The following LEKR1 variants were observed in gnomAD, a reference collection of about 807,000 sequenced individuals.
The protein encoded by LEKR1 is protein LEKR1.
LEKR1 carries 59 observed loss-of-function variants against 72.4 expected under a neutral mutation model. The ratio of observed to expected loss-of-function variants is 0.82; its 90% confidence interval spans 0.66 to 1.01. The LOEUF (loss-of-function observed/expected upper bound fraction) is 1.01. Among genes scored for constraint, LEKR1 ranks in the 50% least tolerant of loss-of-function variants. LEKR1 has a pLI of 0.00. For missense variants in LEKR1, 728 were observed against 759.2 expected (o/e 0.96, Z 0.48); for synonymous variants, 257 against 263.2 (o/e 0.98, Z 0.23).
At chr3:156,831,227 A>G (rs115257695) in intron 2 of LEKR1, among the ~76,000 whole-genome samples, 2,518 of 152,180 alleles carry the variant, frequency 0.017, 69 homozygotes, top group African/African-American at 0.056. Context: ...AGAAATACAA[A>G]AGCCTGAAAA....
intron 12 of LEKR1, among the ~76,000 whole-genome samples, chr3:157,035,067 G>A (rs1219256572): frequency 1.3e-5 from 2 of 152,172 alleles, no homozygotes; most frequent in Non-Finnish European, 2.9e-5. Flanking sequence ...ATGATTGATA[G>A]CATTTTTTAG....
In LEKR1 at chr3:156,849,959, G is replaced by A. The variant is rs571881282; in HGVS notation, c.49-2809G>A. On this transcript the variant is annotated intron_variant, in intron 2 of 12. Transcript: ENST00000356539. The stretch of plus-strand genomic sequence containing the variant: ...TGCACAGCAAAAGAAACCACCATCA[G>A]AGTGAACAGGCAACCTACACAATGG... Among the ~76,000 whole-genome samples, 106 of 152,274 alleles carry A rather than the reference G, an allele frequency of 7.0e-4. 3 individuals carry two copies. The South Asian group carries it at 0.021, about 30-fold the overall frequency.
intron 6 of LEKR1, among the ~76,000 whole-genome samples, chr3:156,950,961 C>A (rs1483291915): frequency 6.6e-6 from 1 of 151,650 alleles, no homozygotes; most frequent in Non-Finnish European, 1.5e-5. Context: ...CAAGGGAATA[C>A]TTCCAGCTTT....
intron 3 of LEKR1, among the ~76,000 whole-genome samples, chr3:156,854,272 T>A (rs1715757403): frequency 6.6e-6 from 1 of 150,752 alleles, no homozygotes; most frequent in African/African-American, 2.4e-5. Context: ...GCCTCACAAG[T>A]AGCTGGGATT....
intron 3 of LEKR1, among the ~76,000 whole-genome samples, chr3:156,912,129 TTC>T (rs1379998364): frequency 6.6e-6 from 1 of 152,214 alleles, no homozygotes; most frequent in Non-Finnish European, 1.5e-5. Context: ...TCATTGTAAT[TTC>T]TTTCAAAAAA....
intron 5 of LEKR1, among the ~76,000 whole-genome samples, chr3:156,941,995 C>G (rs1462142413): frequency 1.3e-5 from 2 of 151,870 alleles, no homozygotes; most frequent in Non-Finnish European, 2.9e-5. Flanking sequence ...CTATTAAAAT[C>G]ATTAAGATAT....
chr3:157,017,013 A>T (rs1174098968), intron 10 of LEKR1, among the ~76,000 whole-genome samples: 1 of 152,216 alleles, frequency 6.6e-6, no homozygotes, highest in Non-Finnish European at 1.5e-5. Context: ...ATAGCAAGAT[A>T]GTAGATTTAA....
At chr3:156,894,226 T>A (rs1720957934) in intron 3 of LEKR1, among the ~76,000 whole-genome samples, 1 of 152,190 alleles carries the variant, frequency 6.6e-6, no homozygotes, top group East Asian at 1.9e-4. Context: ...GTACCTGTTA[T>A]CCATTTGACT....
Position 156,835,088 on chromosome 3 carries a change from A to G in LEKR1, c.48+5711A>G, listed in dbSNP as rs114064169. Among the ~76,000 whole-genome samples the G allele has an allele frequency of 3.5e-3, 533 of 152,222 alleles. 2 individuals are homozygous for G. Among genetic ancestry groups the G allele is most frequent in the African/African-American group, 0.012 (505 of 41,542 alleles). ...TTTGTTTGCCAGTTTTTAAGTTTCTATTTCCTATTTTAGACTATCAGTTTC... is the reference window on the plus strand; with the variant it reads ...TTTGTTTGCCAGTTTTTAAGTTTCTGTTTCCTATTTTAGACTATCAGTTTC... On this transcript the variant is annotated intron_variant, in intron 2 of 12. Transcript: ENST00000356539.
intron 3 of LEKR1, among the ~76,000 whole-genome samples, chr3:156,858,618 G>C (rs1191064197): frequency 1.3e-5 from 2 of 150,430 alleles, no homozygotes; most frequent in Non-Finnish European, 1.5e-5. Context: ...AGGCTGCAGT[G>C]AGCCGAGAAT....
At chr3:156,960,966 G>A (rs1646654068) in intron 6 of LEKR1, among the ~76,000 whole-genome samples, 1 of 152,112 alleles carries the variant, frequency 6.6e-6, no homozygotes, top group African/African-American at 2.4e-5. Context: ...AGGTCATTGT[G>A]ACCCACAGTC....
intron 3 of LEKR1, among the ~76,000 whole-genome samples, chr3:156,854,162 G>C (rs1471504987): frequency 1.6e-3 from 8 of 5,096 alleles, no homozygotes; most frequent in Admixed American, 8.1e-3. Flanking sequence ...TTTTTTTTTT[G>C]TGACAGAGTC....
At chr3:157,025,574 T>C (rs1184397662) in intron 11 of LEKR1, among the ~76,000 whole-genome samples, 1 of 152,188 alleles carries the variant, frequency 6.6e-6, no homozygotes, top group African/African-American at 2.4e-5. Flanking sequence ...GGCTTCTACA[T>C]TTGTGTACAG....
At chr3:156,919,448 T>C (rs1723982650) in intron 3 of LEKR1, among the ~76,000 whole-genome samples, 1 of 152,174 alleles carries the variant, frequency 6.6e-6, no homozygotes, top group Non-Finnish European at 1.5e-5. Context: ...AGGTGGGAGC[T>C]TATTCCTCTG....
At chr3:156,861,400 T>A (rs1290024062) in intron 3 of LEKR1, among the ~76,000 whole-genome samples, 2 of 152,132 alleles carry the variant, frequency 1.3e-5, no homozygotes, top group Admixed American at 1.3e-4. Flanking sequence ...AATCAAGATT[T>A]GATAGAACAA....
At position 156,977,783 on chromosome 3, in the gene LEKR1, G is replaced by T; in HGVS notation, c.746-1411G>T. 2.7e-5 allele frequency: 6 copies of T among 225,484 alleles called. No individual in the cohort carries two copies. In the South Asian group the frequency reaches 4.8e-4, roughly 18 times the overall value. The allele number at this position is 225,484 out of a possible 1,614,324, so 14.0% of individuals were successfully genotyped here. A position where few individuals can be genotyped will look rare whatever the true frequency, so the allele number is the denominator to read the frequency against. ...GGACTGTAACCACAGCTTCTGTTCT[G>T]ACCATCTTGCCTTCTACAGGAAACG... On this transcript the variant is annotated intron_variant, in intron 6 of 12. Transcript: ENST00000356539.
chr3:156,917,914 A>G (rs892768941), intron 3 of LEKR1, among the ~76,000 whole-genome samples: 25 of 152,264 alleles, frequency 1.6e-4, no homozygotes, highest in African/African-American at 6.0e-4. Flanking sequence ...GGGAATAGAA[A>G]GCTCCAGGAA....
chr3:156,923,763 T>C (rs1289112656), intron 4 of LEKR1, among the ~76,000 whole-genome samples: 2 of 151,934 alleles, frequency 1.3e-5, no homozygotes, highest in African/African-American at 4.8e-5. Flanking sequence ...AGGCTCGCTC[T>C]ATCACCCAGG....
intron 4 of LEKR1, 67 bp downstream of exon 4, chr3:156,920,761 C>A: frequency 5.9e-6 from 5 of 854,378 alleles, no homozygotes; most frequent in South Asian, 1.9e-5. Context: ...TTGTAAATAG[C>A]CAAACACATT....
Sources: gnomAD v4.1 joint callset for allele counts (sites outside exome capture counted in the v4.1 genomes callset) on GRCh38, gnomAD v4.1.1 for gene constraint, MANE v1.5 for transcripts, NCBI Gene and HGNC (gene_info 2026-07-23, HGNC 2026-07-21) for gene names.